DYNC2LI1: variants seen among roughly 807,000 people sequenced by gnomAD.
DYNC2LI1 encodes dynein cytoplasmic 2 light intermediate chain 1, also known as cytoplasmic dynein 2 light intermediate chain 1.
Under a neutral mutation model 51.9 loss-of-function variants are expected in DYNC2LI1, and 45 were observed. That is an observed-to-expected ratio of 0.87 (90% CI 0.68 to 1.11). DYNC2LI1 has a LOEUF of 1.11. Ranked by LOEUF, DYNC2LI1 falls within the 50% of genes most tolerant of loss-of-function variation. The pLI, the probability that DYNC2LI1 is intolerant of heterozygous loss-of-function variation, is 0.00. For missense variants in DYNC2LI1, 490 were observed against 417.4 expected (o/e 1.17, Z -1.51); for synonymous variants, 130 against 137.8 (o/e 0.94, Z 0.40).
In DYNC2LI1 at chr2:43,774,057, A is replaced by G; in HGVS notation, c.-82A>G. 4 of 1,593,258 alleles carry G rather than the reference A, an allele frequency of 2.5e-6. No individual in the cohort carries two copies. The highest frequency in any genetic ancestry group is 3.4e-6 in the Non-Finnish European group (4 of 1,169,606). On this transcript the variant is annotated 5_prime_UTR_variant, in exon 1 of 13. Transcript: ENST00000260605. ...GCAACCCAGAAGGCCTCACTCCCAG[A>G]CTCCTTGCGGAGCTCGCCGCCTGAT...
the DYNC2LI1 span, chr2:43,824,045 A>G: frequency 1.2e-6 from 2 of 1,614,200 alleles, no homozygotes; most frequent in Non-Finnish European, 1.7e-6. Flanking sequence ...AGGAGGAACA[A>G]ACCCATGATC....
the DYNC2LI1 span, among the ~76,000 whole-genome samples, chr2:43,825,969 C>T: frequency 1.3e-5 from 2 of 150,896 alleles, no homozygotes; most frequent in African/African-American, 2.4e-5. Flanking sequence ...TTCTCTAGCA[C>T]TAACGGTTTT....
chr2:43,785,434 A>C lies in DYNC2LI1; in HGVS notation c.162-1747A>C, dbSNP rs185537394. ...TGCTAAGTTAAATGAGCCAGAAACA[A>C]AAAAAACACAAATATTGGGGTGGGT... On this transcript the variant is annotated intron_variant, in intron 3 of 12. Transcript: ENST00000260605. 3.6e-3 allele frequency among the ~76,000 whole-genome samples: 547 copies of C among 151,908 alleles called. 4 individuals carry two copies. Among genetic ancestry groups the C allele is most frequent in the South Asian group, 0.012 (58 of 4,794 alleles).
At chr2:43,808,955 G>T (rs1024997288) in intron 12 of DYNC2LI1, among the ~76,000 whole-genome samples, 1 of 135,916 alleles carries the variant, frequency 7.4e-6, no homozygotes, top group African/African-American at 3.2e-5. Flanking sequence ...AAATCACTGG[G>T]ACAAAGGATA....
intron 8 of DYNC2LI1, 106 bp downstream of exon 8, chr2:43,796,901 A>C (rs935116649): frequency 1.2e-6 from 1 of 848,804 alleles, no homozygotes. Context: ...GCTAATGCAC[A>C]TGGTCCCGTT....
the DYNC2LI1 span, chr2:43,824,517 G>C: frequency 6.3e-7 from 1 of 1,595,484 alleles, no homozygotes; most frequent in Non-Finnish European, 8.5e-7. Flanking sequence ...AGGAGTACTG[G>C]CCATAATACC....
In DYNC2LI1 at chr2:43,809,756, C is replaced by A; in HGVS notation, c.1045C>A (p.Leu349Ile). ...TTCCAAGTCTTGGAAACAAATCGAG[C>A]TTGATTCTTGAACCTATTTCAATTA... ...SSSKSWKQIE[L>I]DS Residue 349 changes from leucine to isoleucine, a missense_variant, in exon 13 of 13, where the codon CTT (leucine) becomes ATT (isoleucine). By Grantham distance (5) the Leu-to-Ile change is conservative. Transcript: ENST00000260605. 6.2e-7 allele frequency: 1 copy of A among 1,611,458 alleles called. No individual in the cohort carries two copies. The highest frequency in any genetic ancestry group is 8.5e-7 in the Non-Finnish European group (1 of 1,178,708).
intron 8 of DYNC2LI1, among the ~76,000 whole-genome samples, chr2:43,798,003 A>G (rs2104702984): frequency 1.3e-5 from 2 of 152,074 alleles, no homozygotes; most frequent in Middle Eastern, 6.8e-3. Context: ...GGCACACACC[A>G]GTTGTCTCAG....
At chr2:43,793,004 T>C in intron 5 of DYNC2LI1, 1 of 424,238 alleles carries the variant, frequency 2.4e-6, no homozygotes, top group Non-Finnish European at 3.9e-6. Context: ...TCAGTTCTTT[T>C]GGGTTTAGAC....
intron 9 of DYNC2LI1, 44 bp from the exon 10 acceptor site, chr2:43,801,595 T>C: frequency 1.3e-6 from 2 of 1,484,204 alleles, no homozygotes; most frequent in Non-Finnish European, 1.9e-6. Flanking sequence ...TGGCAGCAAA[T>C]CTAATTGCTA....
intron 3 of DYNC2LI1, among the ~76,000 whole-genome samples, chr2:43,784,244 C>A (rs892624037): frequency 9.2e-5 from 14 of 152,098 alleles, no homozygotes; most frequent in African/African-American, 3.4e-4. Context: ...TTGTGTAATT[C>A]CTTTCACCAA....
At position 43,795,860 on chromosome 2, in the gene DYNC2LI1, A is replaced by C. The variant is rs1674010401; in HGVS notation, c.508-30A>C. 1.9e-6 allele frequency: 3 copies of C among 1,578,712 alleles called. No homozygotes were observed. In the African/African-American group the frequency reaches 4.0e-5, roughly 21 times the overall value. On this transcript the variant is annotated intron_variant, in intron 6 of 12. Transcript: ENST00000260605. ...TAAGCACCTAGCAATAAAGAATTAC[A>C]ACAACTCAAGGAAATATGTTTATTA...
intron 10 of DYNC2LI1, among the ~76,000 whole-genome samples, chr2:43,802,055 A>G (rs930887366): frequency 6.6e-6 from 1 of 152,176 alleles, no homozygotes; most frequent in African/African-American, 2.4e-5. Context: ...TAGTGAGGAA[A>G]TTCAAAGCTA....
the DYNC2LI1 span, among the ~76,000 whole-genome samples, chr2:43,815,578 G>T: frequency 1.3e-5 from 2 of 152,176 alleles, no homozygotes; most frequent in East Asian, 1.9e-4. Flanking sequence ...ACATTGAGAG[G>T]TTGCTAATTG....
chr2:43,822,824 G>A, the DYNC2LI1 span: 19 of 1,614,066 alleles, frequency 1.2e-5, no homozygotes, highest in Non-Finnish European at 1.5e-5. Context: ...GAAAATCATG[G>A]TGGCAACAAC....
chr2:43,824,015 G>GA, the DYNC2LI1 span: 1 of 1,614,158 alleles, frequency 6.2e-7, no homozygotes, highest in Non-Finnish European at 8.5e-7. Flanking sequence ...ACATTGCTTC[G>GA]GACCCGCAGA....
the DYNC2LI1 span, chr2:43,824,105 T>G: frequency 6.2e-7 from 1 of 1,614,208 alleles, no homozygotes; most frequent in Non-Finnish European, 8.5e-7. Context: ...CTCACCAAGT[T>G]TCTTGTCACT....
intron 12 of DYNC2LI1, among the ~76,000 whole-genome samples, chr2:43,806,893 G>A (rs567744051): frequency 6.6e-6 from 1 of 152,074 alleles, no homozygotes; most frequent in Admixed American, 6.5e-5. Context: ...CTCTTGGTTC[G>A]AGATTTTTTT....
chr2:43,825,482 G>T, the DYNC2LI1 span, among the ~76,000 whole-genome samples: 1 of 152,176 alleles, frequency 6.6e-6, no homozygotes, highest in Admixed American at 6.5e-5. Context: ...TTTTTGGAAG[G>T]AAATCAGTAT....
Sources: gnomAD v4.1 joint callset for allele counts (sites outside exome capture counted in the v4.1 genomes callset) on GRCh38, gnomAD v4.1.1 for gene constraint, MANE v1.5 for transcripts, NCBI Gene and HGNC (gene_info 2026-07-23, HGNC 2026-07-21) for gene names.